Variants in NAXD observed in about 807,000 individuals in gnomAD.
NAXD encodes the protein ATP-dependent (S)-NAD(P)H-hydrate dehydratase.
A neutral mutation model predicts 35.8 loss-of-function variants in NAXD; 22 were observed. The observed-to-expected ratio is 0.62, with a 90% CI of 0.44 to 0.88. The LOEUF (loss-of-function observed/expected upper bound fraction) is 0.88, where lower values mean the gene tolerates loss of function less well. NAXD is among the 40% of genes least tolerant of loss of function. The pLI is 0.00. For synonymous variants in NAXD, 189 were observed against 177.6 expected, an observed-to-expected ratio of 1.06 and a Z score of -0.51; for missense variants, 428 against 437.7, an observed-to-expected ratio of 0.98 and a Z score of 0.20.
chr13:110,635,332 C>CATGG, intron 7 of NAXD, 136 bp from the exon 8 acceptor site: 2 of 994,620 alleles, frequency 2.0e-6, no homozygotes, highest in Non-Finnish European at 3.0e-6. Flanking sequence ...CTCCCACCTA[C>CATGG]ATGGCCTTTA....
Position 110,635,488 on chromosome 13 carries a change from C to T in NAXD, c.618C>T (p.Ser206=), listed in dbSNP as rs748524051. ...CATAGCTCAGAGGCCCTATGGACAG[C>T]GATGACAGCCATGGATCTGTGCTAA... ...YDAVLRGPMD[S]DDSHGSVLRL... The change falls in exon 8 of 10, where the codon AGC becomes AGT. Residue 206 remains serine, a synonymous_variant. Coordinates refer to ENST00000680254, the MANE Select transcript of NAXD (RefSeq NM_001242882.2). 16 of 1,614,014 alleles carry T rather than the reference C, an allele frequency of 9.9e-6. No homozygotes were observed. The Middle Eastern group carries it at 4.9e-4, about 50-fold the overall frequency.
At chr13:110,615,807 C>T in intron 1 of NAXD, 160 bp downstream of exon 1, 2 of 1,295,484 alleles carry the variant, frequency 1.5e-6, no homozygotes, top group Non-Finnish European at 2.0e-6. Flanking sequence ...TGCTGGCTCG[C>T]GGGGGGGAAG....
At chr13:110,634,523 G>A (rs1268694799) in intron 5 of NAXD, 22 bp from the exon 6 acceptor site, 1 of 1,613,710 alleles carries the variant, frequency 6.2e-7, no homozygotes. Flanking sequence ...ATGGTGCTCA[G>A]TCTGGTTTTC....
Position 110,625,293 on chromosome 13 carries a change from G to A in NAXD, c.332+15G>A, listed in dbSNP as rs746438656. Reference sequence around the variant, plus strand: ...CACCCAGTTCTGTGAGTCGCTCTGCGCCGGCTTCTCGTAGGTTCTCTTTCC... The same window carrying A: ...CACCCAGTTCTGTGAGTCGCTCTGCACCGGCTTCTCGTAGGTTCTCTTTCC... On this transcript the variant is annotated intron_variant, in intron 4 of 9. Transcript: ENST00000680254. 3.2e-5 allele frequency: 51 copies of A among 1,585,944 alleles called. No homozygotes were observed. Among genetic ancestry groups the A allele is most frequent in the Admixed American group, 5.0e-5 (3 of 59,936 alleles).
rs1196890554 is a variant in NAXD, at chr13:110,635,520, G to C, written c.650G>C (p.Ser217Thr). Reference sequence around the variant, plus strand: ...AGCCATGGATCTGTGCTAAGACTCAGCCAAGCCCTGGGCAACGTGACGGTG... The same window carrying C: ...AGCCATGGATCTGTGCTAAGACTCACCCAAGCCCTGGGCAACGTGACGGTG... Reference protein sequence around the residue: ...DDSHGSVLRLSQALGNVTVVQ... With the variant: ...DDSHGSVLRLTQALGNVTVVQ... Residue 217 changes from serine to threonine, a missense_variant, in exon 8 of 10, where the codon AGC becomes ACC. By Grantham distance (58) the Ser-to-Thr change is moderately conservative. Around this residue, in one of 3 missense-constraint regions of NAXD, gnomAD observed 209 missense variants for 214.6 expected, o/e 0.97. Transcript: ENST00000680254. The C allele has an allele frequency of 2.5e-6, 4 of 1,614,064 alleles. No homozygotes were observed. In the African/African-American group the frequency reaches 5.3e-5, roughly 22 times the overall value.
intron 1 of NAXD, among the ~76,000 whole-genome samples, chr13:110,619,523 AATTT>A (rs1399581277): frequency 6.6e-6 from 1 of 152,224 alleles, no homozygotes; most frequent in Non-Finnish European, 1.5e-5. Flanking sequence ...CATAAGTCAC[AATTT>A]ATATTTTATA....
chr13:110,634,672 G>C lies in NAXD; in HGVS notation c.493G>C (p.Asp165His). The C allele has an allele frequency of 1.2e-6, 2 of 1,614,182 alleles. No individual in the cohort carries two copies. The highest frequency in any genetic ancestry group is 1.7e-6 in the Non-Finnish European group (2 of 1,180,024). ...GAGCACGGCTCCTTGTTCTGTGCAGGATGGCCTGTGGCTGGTCGCTCAGCA... is the reference window on the plus strand; with the variant it reads ...GAGCACGGCTCCTTGTTCTGTGCAGCATGGCCTGTGGCTGGTCGCTCAGCA... ...ARDIPVVIDADGLWLVAQQPA... is the reference protein window; with the variant it reads ...ARDIPVVIDAHGLWLVAQQPA... Residue 165 changes from aspartate (D) to histidine (H), a missense_variant and splice_region_variant, in exon 7 of 10, where the codon GAT becomes CAT. Around this residue, in one of 3 missense-constraint regions of NAXD, gnomAD observed 11 missense variants for 30.0 expected, o/e 0.37. Coordinates refer to ENST00000680254, the MANE Select transcript of NAXD (RefSeq NM_001242882.2).
chr13:110,638,497 G>C lies in NAXD; in HGVS notation c.959G>C (p.Gly320Ala). ...ACCTCCGACATGATCGCCGAGGTGG[G>C]GGCCGCCTTCAGCAAGCTCTTTGAA... ...TTTSDMIAEVGAAFSKLFET is the reference protein window; with the variant it reads ...TTTSDMIAEVAAAFSKLFET The change falls in exon 10 of 10, where the codon GGG becomes GCG. Residue 320 changes from glycine (G) to alanine (A), a missense_variant. Gly to Ala is a moderately conservative substitution (Grantham distance 60). Around this residue, in one of 3 missense-constraint regions of NAXD, gnomAD observed 209 missense variants for 214.6 expected, o/e 0.97. Transcript: ENST00000680254. This position sits in a 1 kb window ranked among gnomAD's most constrained non-coding sequence, Gnocchi z 5.4. The C allele has an allele frequency of 6.2e-7, 1 of 1,612,860 alleles. No individual in the cohort carries two copies. The highest frequency in any genetic ancestry group is 8.5e-7 in the Non-Finnish European group (1 of 1,179,812).
intron 3 of NAXD, 123 bp downstream of exon 3, chr13:110,624,402 A>G (rs1566615729): frequency 1.2e-5 from 8 of 673,110 alleles, no homozygotes; most frequent in South Asian, 3.4e-5. Context: ...ATCATAGCTA[A>G]TAGAAACACC....
In NAXD at chr13:110,638,487, G is replaced by A. The variant is rs765964580; in HGVS notation, c.949G>A (p.Ala317Thr). 9 of 1,612,846 alleles carry A rather than the reference G, an allele frequency of 5.6e-6. No homozygotes were observed. The highest frequency in any genetic ancestry group is 1.6e-4 in the Middle Eastern group (1 of 6,082). Reference protein sequence around the residue: ...GRSTTTSDMIAEVGAAFSKLF... With the variant: ...GRSTTTSDMITEVGAAFSKLF... ...CTCCACCACCACCTCCGACATGATC[G>A]CCGAGGTGGGGGCCGCCTTCAGCAA... is the stretch of plus-strand genomic sequence containing the variant. The change falls in exon 10 of 10, where the codon GCC (alanine) becomes ACC (threonine). Residue 317 changes from alanine (A) to threonine (T), a missense_variant. Around this residue, in one of 3 missense-constraint regions of NAXD, gnomAD observed 209 missense variants for 214.6 expected, o/e 0.97. Transcript: ENST00000680254. This position sits in a 1 kb window ranked among gnomAD's most constrained non-coding sequence, Gnocchi z 5.4.
intron 9 of NAXD, chr13:110,637,749 T>A (rs983292084): frequency 4.3e-6 from 2 of 461,206 alleles, no homozygotes; most frequent in African/African-American, 4.0e-5. Context: ...TTCTCTTCTG[T>A]GAGCCCATCA....
In NAXD at chr13:110,638,114, C is replaced by T; in HGVS notation, c.840-264C>T. On this transcript the variant is annotated intron_variant, in intron 9 of 9. Transcript: ENST00000680254. This position sits in a 1 kb window ranked among gnomAD's most constrained non-coding sequence, Gnocchi z 5.4. ...GCCGCCTGGCTTTCCCCGGGAACAC[C>T]TGGCCCACTGTGTGCCCTAGCCCTG... 2 of 940,784 alleles carry T rather than the reference C, an allele frequency of 2.1e-6. No individual in the cohort carries two copies. Among genetic ancestry groups the T allele is most frequent in the Admixed American group, 2.3e-5 (1 of 42,758 alleles). The allele number at this position is 940,784 out of a possible 1,614,324, so 58.3% of individuals were successfully genotyped here.
At position 110,627,528 on chromosome 13, in the gene NAXD, C is replaced by G. The variant is rs576045093; in HGVS notation, c.422C>G (p.Ala141Gly). 1.4e-5 allele frequency: 22 copies of G among 1,612,716 alleles called. No individual in the cohort carries two copies. Among genetic ancestry groups the G allele is most frequent in the African/African-American group, 2.7e-5 (2 of 74,874 alleles). Residue 141 changes from alanine to glycine, a missense_variant, in exon 5 of 10, where the codon GCG (alanine) becomes GGG (glycine). Ala to Gly is a moderately conservative substitution (Grantham distance 60, BLOSUM62 0). Coordinates refer to ENST00000680254, the MANE Select transcript of NAXD (RefSeq NM_001242882.2). ...GGACCTGGCTTGGGTAGAGATGATG[C>G]GCTTCTCAGAAATGTCCAGGTAATG... ...VVGPGLGRDD[A>G]LLRNVQGILE... is the part of the protein sequence containing the mutation.
chr13:110,634,739 C>T lies in NAXD; in HGVS notation c.560C>T (p.Pro187Leu), dbSNP rs1171980608. The T allele has an allele frequency of 1.2e-6, 2 of 1,613,964 alleles. No individual in the cohort carries two copies. The highest frequency in any genetic ancestry group is 1.7e-6 in the Non-Finnish European group (2 of 1,179,998). Residue 187 changes from proline to leucine, a missense_variant, in exon 7 of 10, where the codon CCC becomes CTC. Physicochemically the swap from Pro to Leu is moderately conservative, Grantham distance 98. Around this residue, in one of 3 missense-constraint regions of NAXD, gnomAD observed 209 missense variants for 214.6 expected, o/e 0.97. Transcript: ENST00000680254. ...GGCTACCGGAAGGCTGTGCTCACTC[C>T]CAACCACGTGGAGTTCAGCAGACTG... ...IHGYRKAVLT[P>L]NHVEFSRLYD...
chr13:110,624,429 C>T lies in NAXD; in HGVS notation c.243+150C>T, dbSNP rs192166472. 7 of 594,160 alleles carry T rather than the reference C, an allele frequency of 1.2e-5. No homozygotes were observed. In the African/African-American group the frequency reaches 1.3e-4, roughly 11 times the overall value. 36.8% of individuals were successfully genotyped at this position (594,160 alleles called of 1,614,324 possible). ...AGAAACACCGTTAAGTCTATCCTGACATCTGTGCATAAACAAGATCACTTC... is the reference window on the plus strand; with the variant it reads ...AGAAACACCGTTAAGTCTATCCTGATATCTGTGCATAAACAAGATCACTTC... On this transcript the variant is annotated intron_variant, in intron 3 of 9. Coordinates refer to ENST00000680254, the MANE Select transcript of NAXD (RefSeq NM_001242882.2).
At chr13:110,624,522 G>T (rs1328735466) in intron 3 of NAXD, among the ~76,000 whole-genome samples, 2 of 152,160 alleles carry the variant, frequency 1.3e-5, no homozygotes, top group African/African-American at 4.8e-5. Flanking sequence ...GCAATGGCGG[G>T]ATCTCGGCTC....
At chr13:110,626,682 G>T (rs561811696) in intron 4 of NAXD, among the ~76,000 whole-genome samples, 1 of 152,304 alleles carries the variant, frequency 6.6e-6, no homozygotes, top group East Asian at 1.9e-4. Context: ...AAGGGCCTGT[G>T]TGTGCGACTC....
rs1886583088 is a variant in NAXD at position 110,628,526 on chromosome 13, C to T, written c.441+979C>T. Among the ~76,000 whole-genome samples, 1 of 152,144 alleles carries T rather than the reference C, an allele frequency of 6.6e-6. No individual in the cohort carries two copies. The highest frequency in any genetic ancestry group is 2.4e-5 in the African/African-American group (1 of 41,442). On this transcript the variant is annotated intron_variant, in intron 5 of 9. Coordinates refer to ENST00000680254, the MANE Select transcript of NAXD (RefSeq NM_001242882.2). The surrounding 1 kb of genome is among the most constrained non-coding windows in gnomAD (Gnocchi z 4.1). ...TTGGGTGCTTAGTTAATGGAGGGGT[C>T]TCTGAGGCTGCGGGGCTTGAAGGCG...
intron 8 of NAXD, 30 bp downstream of exon 8, chr13:110,635,618 C>G: frequency 6.2e-7 from 1 of 1,610,384 alleles, no homozygotes; most frequent in Non-Finnish European, 8.5e-7. Flanking sequence ...TGTGCATGGG[C>G]CAGTGCCAGG....
Sources: allele counts gnomAD v4.1 joint callset (sites outside exome capture counted in the v4.1 genomes callset), GRCh38; gene constraint gnomAD v4.1.1; regional missense constraint gnomAD v4.1.1; non-coding constraint Gnocchi (gnomAD v3.1); transcripts MANE v1.5; gene names NCBI Gene and HGNC (gene_info 2026-07-23, HGNC 2026-07-21).